The following KPNB1 variants were observed in gnomAD, a reference collection of about 807,000 sequenced individuals.
The protein encoded by KPNB1 is karyopherin subunit beta 1.
KPNB1 carries 7 observed loss-of-function variants against 113.0 expected under a neutral mutation model. The ratio of observed to expected loss-of-function variants is 0.06; its 90% CI spans 0.04 to 0.12. KPNB1 has a LOEUF of 0.12. Ranked by LOEUF, KPNB1 falls within the 10% of genes least tolerant of loss-of-function variation. The pLI, the probability that KPNB1 is intolerant of heterozygous loss-of-function variation, is 1.00. For synonymous variants in KPNB1, 363 were observed against 378.6 expected (o/e 0.96, Z 0.48); for missense variants, 400 against 1,054.8 (o/e 0.38, Z 8.60).
chr17:47,681,779 T>C (rs1052939020), intron 21 of KPNB1, among the ~76,000 whole-genome samples: 1 of 150,622 alleles, frequency 6.6e-6, no homozygotes, highest in Non-Finnish European at 1.5e-5. Context: ...TGATCCACCT[T>C]TGTCGGTCTC....
chr17:47,682,162 T>G (rs2030804432), intron 21 of KPNB1, among the ~76,000 whole-genome samples: 1 of 152,188 alleles, frequency 6.6e-6, no homozygotes, highest in African/African-American at 2.4e-5. Context: ...CACTCTTAAT[T>G]AGTTATCTTA....
chr17:47,677,099 T>C lies in KPNB1; in HGVS notation c.2075T>C (p.Val692Ala). 1 of 1,613,938 alleles carries C rather than the reference T, an allele frequency of 6.2e-7. No homozygotes were observed. The highest frequency in any genetic ancestry group is 8.5e-7 in the Non-Finnish European group (1 of 1,179,938). ...QSNIIPFCDEVMQLLLENLGN... is the reference protein window; with the variant it reads ...QSNIIPFCDEAMQLLLENLGN... ...AACATCATACCTTTCTGTGACGAGG[T>C]GATGCAGCTGCTTCTGGAAAATTTG... The change falls in exon 17 of 22, where the codon GTG becomes GCG. Residue 692 changes from valine to alanine, a missense_variant. By Grantham distance (64) the Val-to-Ala change is moderately conservative. This residue lies in a region of KPNB1 where 115 missense variants were observed against 427.9 expected (regional missense o/e 0.27). Transcript: ENST00000290158.
At position 47,680,095 on chromosome 17, in the gene KPNB1, A is replaced by G. The variant is rs375622550; in HGVS notation, c.2429A>G (p.His810Arg). ...GACCACATTGCTGGAGATGAGGATC[A>G]CACAGATGGAGTAGTAGCTTGTGCT... ...FIDHIAGDED[H>R]TDGVVACAAG... The change falls in exon 20 of 22, where the codon CAC (histidine) becomes CGC (arginine). Residue 810 changes from histidine (H) to arginine (R), a missense_variant. Transcript: ENST00000290158. 1.2e-6 allele frequency: 2 copies of G among 1,613,652 alleles called. No homozygotes were observed. The highest frequency in any genetic ancestry group is 2.7e-5 in the African/African-American group (2 of 74,940).
chr17:47,668,022 G>C (rs1567891910), intron 9 of KPNB1, among the ~76,000 whole-genome samples, 164 bp from the exon 10 acceptor site: 1 of 152,100 alleles, frequency 6.6e-6, no homozygotes, highest in African/African-American at 2.4e-5. Flanking sequence ...TTTAACAAAG[G>C]CTATGCTGTG....
At chr17:47,673,719 G>A in intron 14 of KPNB1, 158 bp downstream of exon 14, 1 of 622,148 alleles carries the variant, frequency 1.6e-6, no homozygotes, top group Non-Finnish European at 2.9e-6. Flanking sequence ...TTGATTGGGA[G>A]AGGAATTCCC....
chr17:47,679,359 C>T (rs909010211), intron 19 of KPNB1, among the ~76,000 whole-genome samples: 1 of 152,144 alleles, frequency 6.6e-6, no homozygotes, highest in Admixed American at 6.5e-5. Flanking sequence ...CTTTCCCATC[C>T]CCACAAGCTA....
At chr17:47,653,496 C>T (rs1915637496) in intron 3 of KPNB1, among the ~76,000 whole-genome samples, 1 of 152,150 alleles carries the variant, frequency 6.6e-6, no homozygotes, top group African/African-American at 2.4e-5. Context: ...CCTGCCTTGG[C>T]TTCCCAAAGT....
intron 11 of KPNB1, among the ~76,000 whole-genome samples, chr17:47,670,145 A>G (rs1276964597): frequency 1.3e-5 from 2 of 152,184 alleles, no homozygotes; most frequent in South Asian, 2.1e-4. Flanking sequence ...GCTTGGGGAC[A>G]AGAAGTTTTG....
At chr17:47,675,361 G>GTTGTTTTTTTT (rs1567894260) in intron 15 of KPNB1, among the ~76,000 whole-genome samples, 5 of 88,690 alleles carry the variant, frequency 5.6e-5, no homozygotes, top group Non-Finnish European at 1.2e-4. Flanking sequence ...CAGAGGTGTT[G>GTTGTTTTTTTT]TTTTTTTTTT....
chr17:47,656,543 C>CTT (rs35834634), intron 3 of KPNB1, among the ~76,000 whole-genome samples: 54,861 of 145,370 alleles, frequency 0.38, 10,940 homozygotes, highest in South Asian at 0.45. Context: ...TTGTATTTTC[C>CTT]TTTTTTTTTT....
intron 3 of KPNB1, among the ~76,000 whole-genome samples, chr17:47,655,094 G>C (rs1915682444): frequency 6.6e-6 from 1 of 152,178 alleles, no homozygotes; most frequent in Admixed American, 6.5e-5. Context: ...TAAGTGATCC[G>C]ACCCAGTCAG....
In KPNB1 at chr17:47,677,951, A is replaced by T. The variant is rs370875459; in HGVS notation, c.2104-95A>T. 22 of 1,267,392 alleles carry T rather than the reference A, an allele frequency of 1.7e-5. No individual in the cohort carries two copies. The African/African-American group carries it at 2.2e-4, about 13-fold the overall frequency. The allele number at this position is 1,267,392 out of a possible 1,614,324, so 78.5% of individuals were successfully genotyped here. A position where few individuals can be genotyped will look rare whatever the true frequency, so the allele number is the denominator to read the frequency against. On this transcript the variant is annotated intron_variant, in intron 17 of 21. Coordinates refer to ENST00000290158, the MANE Select transcript of KPNB1 (RefSeq NM_002265.6). Reference sequence around the variant, plus strand: ...GCTATAAAGGACCATCCAAATATTTAAAATCAATAGTTGCTTGTTAGAAAT... The same window carrying T: ...GCTATAAAGGACCATCCAAATATTTTAAATCAATAGTTGCTTGTTAGAAAT...
At position 47,670,778 on chromosome 17, in the gene KPNB1, G is replaced by A; in HGVS notation, c.1493G>A (p.Cys498Tyr). The A allele has an allele frequency of 6.2e-7, 1 of 1,613,076 alleles. No individual in the cohort carries two copies. The highest frequency in any genetic ancestry group is 1.1e-5 in the South Asian group (1 of 91,050). ...ADDQEEPATY[C>Y]LSSSFELIVQ... Reference sequence around the variant, plus strand: ...GATCAGGAAGAACCAGCTACTTACTGCTTATCTTCTTCATTTGAACTCATA... The same window carrying A: ...GATCAGGAAGAACCAGCTACTTACTACTTATCTTCTTCATTTGAACTCATA... Residue 498 changes from cysteine to tyrosine, a missense_variant, in exon 12 of 22, where the codon TGC becomes TAC. Physicochemically the swap from Cys to Tyr is radical, Grantham distance 194. This residue lies in a region of KPNB1 where 285 missense variants were observed against 627.0 expected (regional missense o/e 0.45). Coordinates refer to ENST00000290158, the MANE Select transcript of KPNB1 (RefSeq NM_002265.6).
chr17:47,664,005 GAAAAT>G (rs2030190429), intron 7 of KPNB1, among the ~76,000 whole-genome samples, 149 bp from the exon 8 acceptor site: 1 of 150,896 alleles, frequency 6.6e-6, no homozygotes, highest in Admixed American at 6.6e-5. Context: ...AAAAAGAAAA[GAAAAT>G]CTTTCTTTTC....
At chr17:47,650,562 CCCCCCT>C (rs1354903898) in intron 2 of KPNB1, 118 bp downstream of exon 2, 20,438 of 721,866 alleles carry the variant, frequency 0.028, 474 homozygotes, top group Non-Finnish European at 0.037. Context: ...CCGTCCCCCT[CCCCCCT>C]CCCCCTCCCC....
rs998616435 is a variant in KPNB1, at chr17:47,650,823, G to C, written c.99+379G>C. Among the ~76,000 whole-genome samples, 5 of 152,148 alleles carry C rather than the reference G, an allele frequency of 3.3e-5. No individual in the cohort carries two copies. In the South Asian group the frequency reaches 1.0e-3, roughly 31 times the overall value. ...GGCCTAGGGGCCATGTGGAAGCTCC[G>C]GGCCCGGCCGCCCGCCCTGTCTGAC... On this transcript the variant is annotated intron_variant, in intron 2 of 21. Coordinates refer to ENST00000290158, the MANE Select transcript of KPNB1 (RefSeq NM_002265.6).
chr17:47,650,561 T>TCCCCCCCCC (rs1220708651), intron 2 of KPNB1, 117 bp downstream of exon 2: 1 of 402,492 alleles, frequency 2.5e-6, no homozygotes, highest in Non-Finnish European at 4.0e-6. Flanking sequence ...CCCGTCCCCC[T>TCCCCCCCCC]CCCCCCTCCC....
At chr17:47,664,801 T>G (rs1432009594) in intron 8 of KPNB1, among the ~76,000 whole-genome samples, 1 of 152,142 alleles carries the variant, frequency 6.6e-6, no homozygotes, top group Non-Finnish European at 1.5e-5. Flanking sequence ...CACTGAAATA[T>G]CAGGTTGTCC....
At chr17:47,650,568 T>TCATCCCGTCCCCCTCCCC in intron 2 of KPNB1, 124 bp downstream of exon 2, 1 of 401,554 alleles carries the variant, frequency 2.5e-6, no homozygotes, top group Non-Finnish European at 4.3e-6. Context: ...CCCTCCCCCC[T>TCATCCCGTCCCCCTCCCC]CCCCCTCCCC....
Sources: allele counts gnomAD v4.1 joint callset (sites outside exome capture counted in the v4.1 genomes callset), GRCh38; gene constraint gnomAD v4.1.1; regional missense constraint gnomAD v4.1.1; transcripts MANE v1.5; gene names NCBI Gene and HGNC (gene_info 2026-07-23, HGNC 2026-07-21).